DOK6: variants seen among roughly 807,000 people sequenced by gnomAD.
The protein encoded by DOK6 is docking protein 6, also known as downstream of tyrosine kinase 6.
A neutral mutation model predicts 44.0 loss-of-function variants in DOK6; 22 were observed. The observed-to-expected ratio is 0.50, with a 90% confidence interval of 0.36 to 0.71. DOK6 has a LOEUF of 0.71. Among genes scored for constraint, DOK6 ranks in the 30% least tolerant of loss-of-function variants. The pLI is 0.00. For synonymous variants in DOK6, 166 were observed against 145.5 expected (o/e 1.14, Z -1.01); for missense variants, 340 against 416.4 (o/e 0.82, Z 1.60).
intron 3 of DOK6, among the ~76,000 whole-genome samples, chr18:69,622,939 G>A (rs1984476472): frequency 6.6e-6 from 1 of 152,150 alleles, no homozygotes; most frequent in Admixed American, 6.6e-5. Flanking sequence ...ATTTGAGTCG[G>A]AATTGCCATT....
chr18:69,582,344 A>G (rs1342808649), intron 2 of DOK6, among the ~76,000 whole-genome samples: 2 of 152,356 alleles, frequency 1.3e-5, no homozygotes, highest in East Asian at 3.9e-4. Flanking sequence ...AAACCTGAAT[A>G]TTATGAAATA....
Position 69,848,986 on chromosome 18 carries a change from T to G in DOK6, c.*7603T>G, listed in dbSNP as rs1982413114. 6.6e-6 allele frequency: 1 copy of G among 152,244 alleles called. No homozygotes were observed. The highest frequency in any genetic ancestry group is 1.5e-5 in the Non-Finnish European group (1 of 68,046). The allele number at this position is 152,244 out of a possible 1,614,324, so 9.4% of individuals were successfully genotyped here. Reference sequence around the variant, plus strand: ...GTAACTATGTAATTAAACAAAATTCTGACAATCATATTCTGCTAATGTTTA... The same window carrying G: ...GTAACTATGTAATTAAACAAAATTCGGACAATCATATTCTGCTAATGTTTA... On this transcript the variant is annotated 3_prime_UTR_variant, in exon 8 of 8. Coordinates refer to ENST00000382713, the MANE Select transcript of DOK6 (RefSeq NM_152721.6).
At chr18:69,561,260 A>T (rs1599192853) in intron 1 of DOK6, among the ~76,000 whole-genome samples, 1 of 152,062 alleles carries the variant, frequency 6.6e-6, no homozygotes, top group East Asian at 1.9e-4. Context: ...GCCATAATGT[A>T]AACCTATGTC....
intron 2 of DOK6, among the ~76,000 whole-genome samples, chr18:69,578,813 A>G (rs1983296688): frequency 6.6e-6 from 1 of 152,248 alleles, no homozygotes. Flanking sequence ...ACATTTATTT[A>G]GAACTTACAA....
At chr18:69,576,918 G>A (rs1239858770) in intron 2 of DOK6, among the ~76,000 whole-genome samples, 2 of 152,104 alleles carry the variant, frequency 1.3e-5, no homozygotes, top group East Asian at 3.8e-4. Flanking sequence ...TCTGTCTACA[G>A]GGAGGAAAAT....
intron 7 of DOK6, among the ~76,000 whole-genome samples, chr18:69,818,228 C>T (rs1034565864): frequency 2.6e-5 from 4 of 152,156 alleles, no homozygotes; most frequent in African/African-American, 9.7e-5. Flanking sequence ...CTCCTTTGCA[C>T]GTCCCATTCC....
intron 5 of DOK6, chr18:69,724,757 T>C (rs1294404677): frequency 6.6e-6 from 1 of 152,186 alleles, no homozygotes; most frequent in African/African-American, 2.4e-5. Context: ...ACGTCACTGC[T>C]CAAGAAGCGG....
At chr18:69,572,737 A>G (rs1426465498) in intron 2 of DOK6, among the ~76,000 whole-genome samples, 1 of 152,064 alleles carries the variant, frequency 6.6e-6, no homozygotes, top group African/African-American at 2.4e-5. Flanking sequence ...AGAGAAAACT[A>G]TTTATAAAGA....
Position 69,719,483 on chromosome 18 carries a change from G to C in DOK6, c.600-19482G>C, listed in dbSNP as rs369362916. 2.2e-4 allele frequency among the ~76,000 whole-genome samples: 34 copies of C among 152,252 alleles called. 1 individual carries two copies. Among genetic ancestry groups the C allele is most frequent in the African/African-American group, 7.9e-4 (33 of 41,558 alleles). On this transcript the variant is annotated intron_variant, in intron 5 of 7. Coordinates refer to ENST00000382713, the MANE Select transcript of DOK6 (RefSeq NM_152721.6). ...GGAAGTTACAGATCTTGTGACCTTT[G>C]GCTACATGACTCCTGAGCAGTAAGC...
chr18:69,624,146 T>C (rs1984503846), intron 3 of DOK6, among the ~76,000 whole-genome samples: 1 of 152,182 alleles, frequency 6.6e-6, no homozygotes, highest in Admixed American at 6.5e-5. Context: ...AAATGATTTA[T>C]TTAATTTATT....
At chr18:69,600,989 CA>C (rs1227905055) in intron 3 of DOK6, among the ~76,000 whole-genome samples, 8 of 152,220 alleles carry the variant, frequency 5.3e-5, no homozygotes, top group African/African-American at 1.7e-4. Flanking sequence ...TGTATTTATA[CA>C]GATGTTTTTT....
At chr18:69,765,761 C>T (rs1419515579) in intron 7 of DOK6, among the ~76,000 whole-genome samples, 1 of 152,108 alleles carries the variant, frequency 6.6e-6, no homozygotes, top group Non-Finnish European at 1.5e-5. Context: ...TTTACCACTA[C>T]TGACTGATGT....
At chr18:69,790,048 T>C (rs953853859) in intron 7 of DOK6, among the ~76,000 whole-genome samples, 1 of 152,098 alleles carries the variant, frequency 6.6e-6, no homozygotes, top group Non-Finnish European at 1.5e-5. Flanking sequence ...GTCCTCAGAG[T>C]TGAACAAGAG....
At chr18:69,546,611 T>A (rs1982411604) in intron 1 of DOK6, among the ~76,000 whole-genome samples, 1 of 151,836 alleles carries the variant, frequency 6.6e-6, no homozygotes, top group East Asian at 1.9e-4. Flanking sequence ...CCAAGTTATA[T>A]GCTCTTTGCC....
chr18:69,579,116 G>C (rs1460255400), intron 2 of DOK6, among the ~76,000 whole-genome samples: 1 of 152,078 alleles, frequency 6.6e-6, no homozygotes, highest in African/African-American at 2.4e-5. Context: ...GAAATTACTT[G>C]TTTTGATCAT....
chr18:69,610,046 T>C (rs974947400), intron 3 of DOK6, among the ~76,000 whole-genome samples: 4 of 152,230 alleles, frequency 2.6e-5, no homozygotes, highest in Non-Finnish European at 5.9e-5. Context: ...AAAGTTTCAG[T>C]TAAGCAAAGT....
chr18:69,542,051 G>A (rs1276223917), intron 1 of DOK6, among the ~76,000 whole-genome samples: 1 of 151,554 alleles, frequency 6.6e-6, no homozygotes, highest in East Asian at 1.9e-4. Context: ...AATGGAGATG[G>A]TGTGGATGGC....
intron 3 of DOK6, among the ~76,000 whole-genome samples, chr18:69,606,512 T>C (rs896237648): frequency 1.3e-5 from 2 of 151,950 alleles, no homozygotes; most frequent in Admixed American, 1.3e-4. Context: ...ATGTTCACCC[T>C]TGCCACTTCT....
At chr18:69,523,960 G>A (rs112215416) in intron 1 of DOK6, among the ~76,000 whole-genome samples, 18 of 152,084 alleles carry the variant, frequency 1.2e-4, no homozygotes, top group African/African-American at 3.9e-4. Flanking sequence ...TTTCAAGTTC[G>A]TATTTTTATA....
Sources: allele counts gnomAD v4.1 joint callset (sites outside exome capture counted in the v4.1 genomes callset), GRCh38; gene constraint gnomAD v4.1.1; transcripts MANE v1.5; gene names NCBI Gene and HGNC (gene_info 2026-07-23, HGNC 2026-07-21).